CCDC66: variants seen among roughly 807,000 people sequenced by gnomAD.
CCDC66 encodes the protein coiled-coil domain containing 66.
Under a neutral mutation model 128.3 loss-of-function variants are expected in CCDC66, and 133 were observed. That is an observed-to-expected ratio of 1.04 (90% confidence interval 0.90 to 1.20). The LOEUF (loss-of-function observed/expected upper bound fraction) is 1.20, where lower values mean the gene tolerates loss of function less well. Among genes scored for constraint, CCDC66 ranks in the 50% most tolerant of loss-of-function variants. The pLI, the probability that CCDC66 is intolerant of heterozygous loss-of-function variation, is 0.00. For synonymous variants in CCDC66, 387 were observed against 357.0 expected (o/e 1.08, Z -0.95); for missense variants, 1,126 against 1,075.5 (o/e 1.05, Z -0.66).
intron 7 of CCDC66, among the ~76,000 whole-genome samples, chr3:56,584,911 G>A (rs773444390): frequency 6.6e-5 from 10 of 151,944 alleles, no homozygotes; most frequent in African/African-American, 2.2e-4. Context: ...CCAGCATAGC[G>A]AAACCCCGTC....
At chr3:56,609,143 A>G (rs1022497616) in intron 10 of CCDC66, among the ~76,000 whole-genome samples, 1 of 152,326 alleles carries the variant, frequency 6.6e-6, no homozygotes, top group Admixed American at 6.5e-5. Flanking sequence ...GGTATAGTTT[A>G]AATCCATTGT....
At chr3:56,572,160 A>G (rs1364059808) in intron 7 of CCDC66, among the ~76,000 whole-genome samples, 2 of 152,202 alleles carry the variant, frequency 1.3e-5, no homozygotes, top group Non-Finnish European at 1.5e-5. Flanking sequence ...GAGCTGTGCA[A>G]TTTTTGAAAT....
In CCDC66 at chr3:56,557,259, C is replaced by T. The variant is rs764009711; in HGVS notation, c.11+6C>T. 1 of 1,549,232 alleles carries T rather than the reference C, an allele frequency of 6.5e-7. No homozygotes were observed. The highest frequency in any genetic ancestry group is 1.4e-5 in the African/African-American group (1 of 72,796). On this transcript the variant is annotated splice_donor_region_variant and intron_variant, in intron 1 of 17. Coordinates refer to ENST00000394672, the MANE Select transcript of CCDC66 (RefSeq NM_001141947.3). The stretch of plus-strand genomic sequence containing the variant: ...GGTCAGGCCATGAACTTGGGGTAAG[C>T]AGGGGTAAGCTGGGGTAAGCTGGGG...
chr3:56,604,425 T>C (rs1420983992), intron 10 of CCDC66, among the ~76,000 whole-genome samples: 1 of 152,084 alleles, frequency 6.6e-6, no homozygotes, highest in Non-Finnish European at 1.5e-5. Flanking sequence ...CAGTTGTTCC[T>C]TTCCATGTTT....
At chr3:56,618,726 G>A (rs1196002845) in intron 15 of CCDC66, 2 of 157,294 alleles carry the variant, frequency 1.3e-5, no homozygotes, top group Admixed American at 6.3e-5. Context: ...AGAAACAGTA[G>A]GCTCAGATTA....
At position 56,619,376 on chromosome 3, in the gene CCDC66, C is replaced by T; in HGVS notation, c.2484C>T (p.Ile828=). ...GTAGCTATGAGAGAGAGAATTTGAT[C>T]TCAGGAAGTAATCAAACAGAATTAT... ...KNSSYERENL[I]SGSNQTELSS... The change falls in exon 16 of 18, where the codon ATC becomes ATT. Residue 828 remains isoleucine (I), a synonymous_variant. Transcript: ENST00000394672. 1 of 1,613,788 alleles carries T rather than the reference C, an allele frequency of 6.2e-7. No homozygotes were observed. Among genetic ancestry groups the T allele is most frequent in the Non-Finnish European group, 8.5e-7 (1 of 1,179,822 alleles).
At chr3:56,584,174 G>A (rs1414200084) in intron 7 of CCDC66, among the ~76,000 whole-genome samples, 3 of 86,130 alleles carry the variant, frequency 3.5e-5, no homozygotes, top group Admixed American at 1.1e-4. Context: ...CACCTCCCGG[G>A]CGGGGCGGCT....
rs963041187 is a variant in CCDC66 at position 56,561,296 on chromosome 3, A to G, written c.102+1702A>G. 8.8e-6 allele frequency: 4 copies of G among 456,554 alleles called. 1 individual carries two copies. Among genetic ancestry groups the G allele is most frequent in the South Asian group, 4.7e-5 (3 of 64,472 alleles). 28.3% of individuals were successfully genotyped at this position (456,554 alleles called of 1,614,324 possible). A position where few individuals can be genotyped will look rare whatever the true frequency, so the allele number is the denominator to read the frequency against. On this transcript the variant is annotated intron_variant, in intron 3 of 17. Transcript: ENST00000394672. ...GAAGCCACATTTGTGAAGACATTTT[A>G]TTGTCATTTTAACCAACTCAGAACA...
chr3:56,615,720 G>A, intron 12 of CCDC66: 1 of 395,632 alleles, frequency 2.5e-6, no homozygotes, highest in South Asian at 3.7e-5. Context: ...TGTACTTTTT[G>A]TGTCTATTTT....
At chr3:56,560,912 A>G (rs1401128540) in intron 3 of CCDC66, 3 of 456,540 alleles carry the variant, frequency 6.6e-6, no homozygotes, top group African/African-American at 2.0e-5. Context: ...TGGATGATGT[A>G]CCACTTTATC....
intron 3 of CCDC66, among the ~76,000 whole-genome samples, chr3:56,561,967 A>T (rs538124906): frequency 6.6e-6 from 1 of 151,834 alleles, no homozygotes; most frequent in South Asian, 2.1e-4. Context: ...ACTCTATCTC[A>T]TTATCATCAA....
At chr3:56,590,121 G>T (rs982041049) in intron 7 of CCDC66, among the ~76,000 whole-genome samples, 1 of 152,100 alleles carries the variant, frequency 6.6e-6, no homozygotes, top group Non-Finnish European at 1.5e-5. Flanking sequence ...AGACAAGGTC[G>T]GCAGGTGGAT....
intron 3 of CCDC66, 30 bp downstream of exon 3, chr3:56,559,624 T>C: frequency 6.7e-7 from 1 of 1,502,084 alleles, no homozygotes; most frequent in Admixed American, 2.3e-5. Context: ...CCTGACCTGT[T>C]TTCAAATGTA....
intron 10 of CCDC66, among the ~76,000 whole-genome samples, chr3:56,606,816 G>A (rs2074139372): frequency 6.6e-6 from 1 of 151,666 alleles, no homozygotes; most frequent in Admixed American, 6.6e-5. Context: ...GTTGATTTTT[G>A]TATAAGGTGA....
intron 10 of CCDC66, among the ~76,000 whole-genome samples, chr3:56,601,511 AAGTG>A (rs1377715126): frequency 6.6e-6 from 1 of 152,102 alleles, no homozygotes; most frequent in Non-Finnish European, 1.5e-5. Flanking sequence ...TCTGTGAAGA[AAGTG>A]AGTGGTAGCT....
chr3:56,600,219 G>A (rs2072913799), intron 10 of CCDC66, among the ~76,000 whole-genome samples: 1 of 148,166 alleles, frequency 6.7e-6, no homozygotes, highest in Admixed American at 6.8e-5. Context: ...TGCAATCTCA[G>A]CTCACTGCGA....
intron 10 of CCDC66, among the ~76,000 whole-genome samples, chr3:56,612,696 C>G (rs1052502123): frequency 6.6e-6 from 1 of 152,140 alleles, no homozygotes; most frequent in Non-Finnish European, 1.5e-5. Context: ...TTGCAGGTGG[C>G]ATATGAGGGT....
At chr3:56,603,043 G>C (rs2073468895) in intron 10 of CCDC66, among the ~76,000 whole-genome samples, 1 of 151,760 alleles carries the variant, frequency 6.6e-6, no homozygotes, top group Admixed American at 6.6e-5. Flanking sequence ...CACCGTGTTA[G>C]CCAGGATGGT....
At chr3:56,620,711 T>TTTAC (rs1415859466) in intron 17 of CCDC66, 1 of 152,234 alleles carries the variant, frequency 6.6e-6, no homozygotes, top group Non-Finnish European at 1.5e-5. Context: ...GAAGTGTTAG[T>TTTAC]TTACTTCTTG....
Sources: allele counts gnomAD v4.1 joint callset (sites outside exome capture counted in the v4.1 genomes callset), GRCh38; gene constraint gnomAD v4.1.1; transcripts MANE v1.5; gene names NCBI Gene and HGNC (gene_info 2026-07-23, HGNC 2026-07-21).